Variants in PDE4D observed in about 807,000 individuals in gnomAD.
The protein encoded by PDE4D is phosphodiesterase 4D, also known as 3',5'-cyclic-AMP phosphodiesterase 4D.
PDE4D carries 24 observed loss-of-function variants against 87.4 expected under a neutral mutation model. The ratio of observed to expected loss-of-function variants is 0.27; its 90% CI spans 0.20 to 0.39. The LOEUF is 0.39. Among genes scored for constraint, PDE4D ranks in the 10% least tolerant of loss-of-function variants. PDE4D has a pLI of 1.00. For synonymous variants in PDE4D, 384 were observed against 383.2 expected (o/e 1.00, Z -0.02); for missense variants, 714 against 1,041.0 (o/e 0.69, Z 4.32).
chr5:59,360,059 C>T (rs1022321367), intron 1 of PDE4D, among the ~76,000 whole-genome samples: 6 of 152,064 alleles, frequency 3.9e-5, no homozygotes, highest in Non-Finnish European at 8.8e-5. Flanking sequence ...GATTTTGGTT[C>T]CAAGATTCCA....
chr5:59,282,275 A>C (rs565797000), intron 1 of PDE4D, among the ~76,000 whole-genome samples: 1 of 152,300 alleles, frequency 6.6e-6, no homozygotes, highest in Non-Finnish European at 1.5e-5. Flanking sequence ...AAGAGATGAA[A>C]CAACTGGAAA....
intron 1 of PDE4D, among the ~76,000 whole-genome samples, chr5:59,622,480 C>A (rs1405319742): frequency 1.3e-5 from 2 of 152,128 alleles, no homozygotes; most frequent in Admixed American, 1.3e-4. Flanking sequence ...AAGTTCAGAT[C>A]TCAAGTCTAT....
At chr5:60,393,138 G>A (rs964416404) in intron 1 of PDE4D, among the ~76,000 whole-genome samples, 5 of 152,202 alleles carry the variant, frequency 3.3e-5, no homozygotes, top group African/African-American at 1.2e-4. Flanking sequence ...CACCAGATAT[G>A]TTCAAATAAA....
intron 1 of PDE4D, among the ~76,000 whole-genome samples, chr5:59,768,902 GC>G (rs1763158994): frequency 1.3e-5 from 2 of 152,178 alleles, no homozygotes; most frequent in Admixed American, 1.3e-4. Flanking sequence ...TGGGGGGAGG[GC>G]TTAACCATCA....
At chr5:60,368,322 A>G (rs1268330801) in intron 1 of PDE4D, among the ~76,000 whole-genome samples, 2 of 152,164 alleles carry the variant, frequency 1.3e-5, no homozygotes, top group Non-Finnish European at 2.9e-5. Flanking sequence ...CCCCTAGGGC[A>G]CTGTGCATGA....
intron 5 of PDE4D, among the ~76,000 whole-genome samples, chr5:59,090,610 A>G (rs533240504): frequency 6.6e-6 from 1 of 152,212 alleles, no homozygotes; most frequent in Non-Finnish European, 1.5e-5. Context: ...AAGGAAAACA[A>G]ACCTCAGAGA....
At chr5:59,150,555 T>C (rs1184262632) in intron 5 of PDE4D, among the ~76,000 whole-genome samples, 1 of 152,176 alleles carries the variant, frequency 6.6e-6, no homozygotes, top group Non-Finnish European at 1.5e-5. Flanking sequence ...ATGCTTCTTT[T>C]TGGTCATCAA....
At chr5:59,795,995 C>T (rs1444309975) in intron 1 of PDE4D, among the ~76,000 whole-genome samples, 1 of 152,172 alleles carries the variant, frequency 6.6e-6, no homozygotes, top group African/African-American at 2.4e-5. Context: ...ATCCTTGCCT[C>T]ACGGTTCTCA....
chr5:59,078,525 T>TC lies in PDE4D; in HGVS notation c.809-39555_809-39554insG, dbSNP rs755506240. ...GGTAGGACTCTTTTTTTTTTTTTTT[T>TC]GGTGACAGGGTCTCACTTCAACACC... is the stretch of plus-strand genomic sequence containing the variant. On this transcript the variant is annotated intron_variant, in intron 5 of 14. Coordinates refer to ENST00000340635, the MANE Select transcript of PDE4D (RefSeq NM_001104631.2). Among the ~76,000 whole-genome samples, 372 of 151,374 alleles carry TC rather than the reference T, an allele frequency of 2.5e-3. 2 individuals are homozygous for TC. In the East Asian group the frequency reaches 0.041, roughly 17 times the overall value.
In PDE4D at chr5:60,084,299, TACATC is replaced by T. The variant is rs553200023; in HGVS notation, c.43-95587_43-95583del. Among the ~76,000 whole-genome samples, 201 of 152,374 alleles carry T rather than the reference TACATC, an allele frequency of 1.3e-3. 1 individual carries two copies. Among genetic ancestry groups the T allele is most frequent in the African/African-American group, 4.4e-3 (184 of 41,588 alleles). ...CTTTTATAATTGTAACTGAATTATT[TACATC>T]ACTTTTATATAAGCTTGAGGAATTC... On this transcript the variant is annotated intron_variant, in intron 2 of 16. Coordinates refer to the PDE4D transcript ENST00000502484.
chr5:60,141,051 T>C (rs1780493312), intron 2 of PDE4D, among the ~76,000 whole-genome samples: 3 of 152,196 alleles, frequency 2.0e-5, no homozygotes. Flanking sequence ...AGCTCTTTTT[T>C]CGTGGAGTTC....
At chr5:59,016,038 A>G (rs1269120808) in intron 6 of PDE4D, among the ~76,000 whole-genome samples, 1 of 152,226 alleles carries the variant, frequency 6.6e-6, no homozygotes, top group East Asian at 1.9e-4. Context: ...CAGAAAACCA[A>G]ACACCGCATG....
chr5:59,466,012 C>T (rs1801538088), intron 1 of PDE4D, among the ~76,000 whole-genome samples: 1 of 152,050 alleles, frequency 6.6e-6, no homozygotes, highest in African/African-American at 2.4e-5. Context: ...ATGTTTATAT[C>T]TGCATTCAAT....
intron 2 of PDE4D, among the ~76,000 whole-genome samples, chr5:60,051,057 CA>C (rs1321110813): frequency 2.0e-5 from 3 of 152,144 alleles, no homozygotes; most frequent in Non-Finnish European, 4.4e-5. Context: ...TAGAGAACTA[CA>C]AAGAGACTTT....
chr5:59,616,113 TC>T (rs1416490969), intron 1 of PDE4D, among the ~76,000 whole-genome samples: 6 of 151,604 alleles, frequency 4.0e-5, no homozygotes, highest in South Asian at 2.1e-4. Context: ...ATGCTATCCC[TC>T]CCCCCTTCCC....
intron 4 of PDE4D, among the ~76,000 whole-genome samples, chr5:59,181,023 T>A (rs1202200493): frequency 6.6e-6 from 1 of 152,214 alleles, no homozygotes; most frequent in East Asian, 1.9e-4. Context: ...GGTTAAGAAA[T>A]TTTTATTGTT....
At chr5:60,020,519 C>T (rs1355533854) in intron 2 of PDE4D, among the ~76,000 whole-genome samples, 2 of 152,140 alleles carry the variant, frequency 1.3e-5, no homozygotes, top group Non-Finnish European at 2.9e-5. Flanking sequence ...CACAAACATA[C>T]AGGCTGTATG....
At chr5:60,125,535 A>C (rs1779058328) in intron 2 of PDE4D, among the ~76,000 whole-genome samples, 5 of 152,102 alleles carry the variant, frequency 3.3e-5, no homozygotes. Flanking sequence ...CTGACTGCTA[A>C]ACAGCTCATA....
At chr5:60,364,605 T>A (rs1254094721) in intron 1 of PDE4D, among the ~76,000 whole-genome samples, 1 of 152,180 alleles carries the variant, frequency 6.6e-6, no homozygotes, top group Non-Finnish European at 1.5e-5. Flanking sequence ...AAAATGTCAT[T>A]TTTTTCTCAA....
Sources: gnomAD v4.1 joint callset for allele counts (sites outside exome capture counted in the v4.1 genomes callset) on GRCh38, gnomAD v4.1.1 for gene constraint, MANE v1.5 for transcripts, NCBI Gene and HGNC (gene_info 2026-07-23, HGNC 2026-07-21) for gene names.